The following PRRC2B variants were observed in gnomAD, a reference collection of about 807,000 sequenced individuals.
PRRC2B encodes protein PRRC2B.
PRRC2B carries 68 observed loss-of-function variants against 242.3 expected under a neutral mutation model. The ratio of observed to expected loss-of-function variants is 0.28; its 90% CI spans 0.23 to 0.34. The LOEUF is 0.34. PRRC2B is among the 10% of genes least tolerant of loss of function. The pLI, the probability that PRRC2B is intolerant of heterozygous loss-of-function variation, is 1.00. For synonymous variants in PRRC2B, 1,228 were observed against 1,173.6 expected (o/e 1.05, Z -0.95); for missense variants, 2,835 against 2,954.8 (o/e 0.96, Z 0.94).
chr9:131,495,842 C>A lies in PRRC2B; in HGVS notation c.6658C>A (p.Arg2220=), dbSNP rs1289390153. 5 of 1,610,670 alleles carry A rather than the reference C, an allele frequency of 3.1e-6. No homozygotes were observed. Among genetic ancestry groups the A allele is most frequent in the South Asian group, 2.2e-5 (2 of 91,028 alleles). ...GAAGCGAACCGGAGCGATCAAGCCT[C>A]GGGCTGTCAAAGTGGAGGAGAGTAA... ...QMKRTGAIKP[R]AVKVEESKA The change falls in exon 32 of 32, where the codon CGG becomes AGG. Residue 2220 remains arginine, a synonymous_variant. Coordinates refer to ENST00000683519, the MANE Select transcript of PRRC2B (RefSeq NM_013318.4).
chr9:131,424,050 C>T (rs969521362), intron 1 of PRRC2B, among the ~76,000 whole-genome samples: 1 of 152,186 alleles, frequency 6.6e-6, no homozygotes, highest in African/African-American at 2.4e-5. Flanking sequence ...GTTGTCCTGC[C>T]TCAGCCTCCC....
chr9:131,434,724 A>C (rs997657862), intron 3 of PRRC2B, among the ~76,000 whole-genome samples: 24 of 152,136 alleles, frequency 1.6e-4, no homozygotes, highest in African/African-American at 5.6e-4. Context: ...GTATTGGAGG[A>C]GTTCCCACCA....
intron 19 of PRRC2B, among the ~76,000 whole-genome samples, chr9:131,481,467 C>A (rs1425912705): frequency 6.6e-6 from 1 of 152,118 alleles, no homozygotes; most frequent in Non-Finnish European, 1.5e-5. Flanking sequence ...CTGCCCTGCT[C>A]ACTCTCTCCT....
chr9:131,429,426 G>T (rs551023771), intron 1 of PRRC2B, among the ~76,000 whole-genome samples: 1 of 152,220 alleles, frequency 6.6e-6, no homozygotes, highest in African/African-American at 2.4e-5. Context: ...GGATGGCATA[G>T]CCCCCATGTG....
intron 1 of PRRC2B, among the ~76,000 whole-genome samples, chr9:131,420,474 T>TTTCC (rs1837787804): frequency 1.6e-4 from 2 of 12,190 alleles, no homozygotes; most frequent in South Asian, 6.8e-3. Context: ...TCTTTCTTTC[T>TTTCC]TTCTTTCTTT....
chr9:131,434,945 T>C (rs1838297141), intron 3 of PRRC2B, among the ~76,000 whole-genome samples: 1 of 152,160 alleles, frequency 6.6e-6, no homozygotes, highest in African/African-American at 2.4e-5. Context: ...AGCATTTCCA[T>C]TTCTAAGGTC....
intron 4 of PRRC2B, 118 bp from the exon 5 acceptor site, chr9:131,438,871 G>T: frequency 1.4e-6 from 1 of 726,830 alleles, no homozygotes. Context: ...GGTGGTGGAT[G>T]GATCCGTATA....
chr9:131,415,484 G>A (rs1837623659), intron 1 of PRRC2B, among the ~76,000 whole-genome samples: 1 of 152,242 alleles, frequency 6.6e-6, no homozygotes, highest in African/African-American at 2.4e-5. Flanking sequence ...GAGGAAGGGA[G>A]AATTAACTGC....
intron 11 of PRRC2B, among the ~76,000 whole-genome samples, chr9:131,461,807 G>A (rs1398283449): frequency 1.3e-5 from 2 of 151,998 alleles, no homozygotes; most frequent in African/African-American, 4.8e-5. Flanking sequence ...GATTTCAGGT[G>A]TGAGCCACTG....
chr9:131,418,168 G>T (rs1056612889), intron 1 of PRRC2B, among the ~76,000 whole-genome samples: 5 of 152,266 alleles, frequency 3.3e-5, no homozygotes, highest in African/African-American at 1.2e-4. Context: ...TTGCATCAGG[G>T]TGCTGGTGGC....
intron 4 of PRRC2B, among the ~76,000 whole-genome samples, chr9:131,438,720 G>A (rs1838458427): frequency 6.6e-6 from 1 of 152,170 alleles, no homozygotes; most frequent in African/African-American, 2.4e-5. Context: ...CTGTGTCACT[G>A]TCTGTGTGAC....
chr9:131,393,511 C>G (rs1422577108), upstream of PRRC2B, among the ~76,000 whole-genome samples: 5 of 152,182 alleles, frequency 3.3e-5, no homozygotes, highest in Non-Finnish European at 7.4e-5. Flanking sequence ...AAAAATGGGA[C>G]AAAGTACCCA....
intron 1 of PRRC2B, among the ~76,000 whole-genome samples, chr9:131,416,068 A>T (rs1176777684): frequency 6.7e-6 from 1 of 149,394 alleles, no homozygotes. Flanking sequence ...ATTTTCTGAG[A>T]TTTGTTTGGC....
Position 131,432,693 on chromosome 9 carries a change from A to G in PRRC2B, c.192A>G (p.Pro64=), listed in dbSNP as rs1231606890. 6.2e-7 allele frequency: 1 copy of G among 1,614,040 alleles called. No homozygotes were observed. The change falls in exon 3 of 32, where the codon CCA becomes CCG. Residue 64 remains proline (P), a synonymous_variant. Transcript: ENST00000683519. ...GCATGCCACCGCCTGCAAACCTGCCAAGCTTGAAGTCTGAAAACAAAGGAA... is the reference window on the plus strand; with the variant it reads ...GCATGCCACCGCCTGCAAACCTGCCGAGCTTGAAGTCTGAAAACAAAGGAA... ...ARRMPPPANL[P]SLKSENKGND...
intron 9 of PRRC2B, among the ~76,000 whole-genome samples, chr9:131,450,419 C>A (rs185275137): frequency 6.6e-6 from 1 of 152,044 alleles, no homozygotes; most frequent in East Asian, 1.9e-4. Context: ...AGGCGCGCAC[C>A]ACATGCCCAA....
At chr9:131,443,098 GTTTATTTTATTTTA>G (rs1242298342) in intron 5 of PRRC2B, among the ~76,000 whole-genome samples, 6 of 150,992 alleles carry the variant, frequency 4.0e-5, no homozygotes, top group African/African-American at 7.3e-5. Flanking sequence ...AGCAGCATTT[GTTTATTTTATTTTA>G]TTTATTTTAT....
At chr9:131,470,437 C>G (rs1943510174) in intron 13 of PRRC2B, among the ~76,000 whole-genome samples, 2 of 152,118 alleles carry the variant, frequency 1.3e-5, no homozygotes, top group African/African-American at 4.8e-5. Context: ...TAGCTGCAGA[C>G]AAGGAGAGAA....
chr9:131,419,471 C>T (rs1031066078), intron 1 of PRRC2B, among the ~76,000 whole-genome samples: 3 of 152,182 alleles, frequency 2.0e-5, no homozygotes, highest in Admixed American at 1.3e-4. Context: ...CCACCCAGAG[C>T]AGCCCTGCTG....
intron 1 of PRRC2B, among the ~76,000 whole-genome samples, chr9:131,382,810 A>G (rs1439708235): frequency 1.3e-5 from 2 of 151,950 alleles, no homozygotes; most frequent in African/African-American, 4.8e-5. Flanking sequence ...ACGCCCGGCT[A>G]ATTTTTGTAC....
Sources: allele counts gnomAD v4.1 joint callset (sites outside exome capture counted in the v4.1 genomes callset), GRCh38; gene constraint gnomAD v4.1.1; transcripts MANE v1.5; gene names NCBI Gene and HGNC (gene_info 2026-07-23, HGNC 2026-07-21).